The following STPG2 variants were observed in gnomAD, a reference collection of about 807,000 sequenced individuals.
The protein encoded by STPG2 is sperm-tail PG-rich repeat-containing protein 2.
Under a neutral mutation model 54.2 loss-of-function variants are expected in STPG2, and 56 were observed. That is an observed-to-expected ratio of 1.03 (90% CI 0.83 to 1.29). STPG2 has a LOEUF of 1.29. Among genes scored for constraint, STPG2 ranks in the 50% most tolerant of loss-of-function variants. STPG2 has a pLI of 0.00. For synonymous variants in STPG2, 200 were observed against 181.8 expected (o/e 1.10, Z -0.81); for missense variants, 596 against 544.9 (o/e 1.09, Z -0.93).
chr4:97,961,397 G>T (rs1056491098), intron 7 of STPG2, among the ~76,000 whole-genome samples: 9 of 152,064 alleles, frequency 5.9e-5, no homozygotes, highest in Non-Finnish European at 2.9e-5. Context: ...ATGGCAAAAG[G>T]AACAGTCAGC....
At chr4:97,743,601 TCAATAAAG>T (rs1317316833) in intron 9 of STPG2, among the ~76,000 whole-genome samples, 4 of 151,696 alleles carry the variant, frequency 2.6e-5, no homozygotes, top group Non-Finnish European at 5.9e-5. Flanking sequence ...TATCATTTGT[TCAATAAAG>T]CAGAATTTAT....
intron 8 of STPG2, among the ~76,000 whole-genome samples, chr4:97,895,160 G>T (rs934550367): frequency 6.6e-6 from 1 of 151,604 alleles, no homozygotes; most frequent in African/African-American, 2.4e-5. Context: ...GTGATGACAC[G>T]GTAATAATAA....
chr4:97,454,844 A>G (rs1729475583), intron 4 of STPG2, among the ~76,000 whole-genome samples: 2 of 152,160 alleles, frequency 1.3e-5, no homozygotes, highest in Admixed American at 1.3e-4. Context: ...ACTGTCTAGA[A>G]AGAATTCCTG....
chr4:97,980,178 G>C (rs750179464), intron 6 of STPG2, among the ~76,000 whole-genome samples: 1 of 152,054 alleles, frequency 6.6e-6, no homozygotes, highest in Non-Finnish European at 1.5e-5. Context: ...GAGAGAGAGA[G>C]ATCATGCCTC....
chr4:97,471,254 G>A (rs1298565069), intron 4 of STPG2, among the ~76,000 whole-genome samples: 2 of 152,110 alleles, frequency 1.3e-5, no homozygotes, highest in African/African-American at 2.4e-5. Flanking sequence ...AAGGGGTGGG[G>A]AGCTACTGTA....
chr4:97,946,643 A>C (rs1161626231), intron 7 of STPG2, among the ~76,000 whole-genome samples: 1 of 152,128 alleles, frequency 6.6e-6, no homozygotes, highest in African/African-American at 2.4e-5. Context: ...CATTTATTGA[A>C]TAGGGTGTCC....
chr4:97,904,002 A>C (rs1340890839), intron 8 of STPG2, among the ~76,000 whole-genome samples: 1 of 152,302 alleles, frequency 6.6e-6, no homozygotes, highest in East Asian at 1.9e-4. Context: ...TCAAACTGCA[A>C]GGCAGCAGCG....
chr4:97,567,311 A>C (rs1428592840), intron 10 of STPG2, among the ~76,000 whole-genome samples: 1 of 151,432 alleles, frequency 6.6e-6, no homozygotes, highest in African/African-American at 2.4e-5. Flanking sequence ...AAACCTGAAC[A>C]GTACATACTG....
rs138774611 is a variant in STPG2, at chr4:97,474,040, T to C, written c.462+238659A>G. ...GTCATTATACATTTGTCAAAACCCA[T>C]GGAATGTATACTAAGAGTGAACCCT... On this transcript the variant is annotated intron_variant, in intron 4 of 4. Transcript: ENST00000522676. Among the ~76,000 whole-genome samples the C allele has an allele frequency of 4.2e-3, 634 of 152,174 alleles. 3 individuals are homozygous for C. Among genetic ancestry groups the C allele is most frequent in the South Asian group, 0.02 (97 of 4,824 alleles).
At chr4:97,621,689 T>C (rs1734015235) in intron 10 of STPG2, among the ~76,000 whole-genome samples, 1 of 152,112 alleles carries the variant, frequency 6.6e-6, no homozygotes, top group African/African-American at 2.4e-5. Flanking sequence ...AGCCAAATTC[T>C]ACTAATGTAT....
At chr4:97,683,915 G>T (rs766159708) in intron 10 of STPG2, among the ~76,000 whole-genome samples, 2 of 151,788 alleles carry the variant, frequency 1.3e-5, no homozygotes, top group Non-Finnish European at 3.0e-5. Context: ...TAGCAGAGTT[G>T]CAGGATACAA....
chr4:97,597,704 C>T (rs1289519219), intron 10 of STPG2, among the ~76,000 whole-genome samples: 1 of 152,092 alleles, frequency 6.6e-6, no homozygotes. Context: ...TAAAAACTCT[C>T]AACAAATGAG....
chr4:97,785,057 C>T (rs755971793), intron 9 of STPG2, among the ~76,000 whole-genome samples: 2 of 152,014 alleles, frequency 1.3e-5, no homozygotes, highest in African/African-American at 4.8e-5. Flanking sequence ...CTACAATTTT[C>T]TTATACTTTT....
intron 8 of STPG2, among the ~76,000 whole-genome samples, chr4:97,911,382 C>A (rs1365417568): frequency 6.6e-6 from 1 of 152,220 alleles, no homozygotes; most frequent in Non-Finnish European, 1.5e-5. Flanking sequence ...TTAAGACCCA[C>A]TGGCTTGGAA....
chr4:97,700,607 T>C (rs1723741993), intron 10 of STPG2, among the ~76,000 whole-genome samples: 1 of 152,240 alleles, frequency 6.6e-6, no homozygotes, highest in Non-Finnish European at 1.5e-5. Context: ...CCAGTGTGTT[T>C]CCTACTTCTT....
At chr4:97,823,505 T>C (rs1457550074) in intron 9 of STPG2, among the ~76,000 whole-genome samples, 1 of 152,232 alleles carries the variant, frequency 6.6e-6, no homozygotes, top group African/African-American at 2.4e-5. Context: ...TTCAAAGTAT[T>C]ACTACTCATT....
chr4:97,455,529 G>C (rs1489393242), intron 4 of STPG2, among the ~76,000 whole-genome samples: 3 of 152,154 alleles, frequency 2.0e-5, no homozygotes, highest in African/African-American at 4.8e-5. Context: ...GGTCAGAGGA[G>C]AGCCTGGCTG....
chr4:97,968,825 A>G (rs1035258609), intron 7 of STPG2, among the ~76,000 whole-genome samples: 5 of 152,252 alleles, frequency 3.3e-5, no homozygotes, highest in Non-Finnish European at 2.9e-5. Context: ...AATTGCATGC[A>G]GGATTGTGTA....
At chr4:97,996,734 C>G (rs1224668566) in intron 5 of STPG2, among the ~76,000 whole-genome samples, 1 of 127,036 alleles carries the variant, frequency 7.9e-6, no homozygotes, top group African/African-American at 2.6e-5. Flanking sequence ...AATTAACAAG[C>G]AAAGAACAAA....
Sources: gnomAD v4.1 joint callset for allele counts (sites outside exome capture counted in the v4.1 genomes callset) on GRCh38, gnomAD v4.1.1 for gene constraint, MANE v1.5 for transcripts, NCBI Gene and HGNC (gene_info 2026-07-23, HGNC 2026-07-21) for gene names.